Variants in ZP2 observed in about 807,000 individuals in gnomAD.
ZP2 encodes the protein zona pellucida sperm-binding protein 2.
ZP2 carries 51 observed loss-of-function variants against 84.0 expected under a neutral mutation model. The ratio of observed to expected loss-of-function variants is 0.61; its 90% CI spans 0.49 to 0.77. ZP2 has a LOEUF of 0.77. Ranked by LOEUF, ZP2 falls within the 30% of genes least tolerant of loss-of-function variation. The pLI is 0.00. For missense variants in ZP2, 909 were observed against 911.9 expected (o/e 1.00, Z 0.04); for synonymous variants, 375 against 330.9 (o/e 1.13, Z -1.45).
In ZP2 at chr16:21,203,234, T is replaced by C; in HGVS notation, c.990A>G (p.Leu330=). The change falls in exon 10 of 19, where the codon CTA becomes CTG. Residue 330 remains leucine, a synonymous_variant. Coordinates refer to ENST00000574091, the MANE Select transcript of ZP2 (RefSeq NM_001376232.1). Reference sequence around the variant, plus strand: ...GTGAAGCTAAGTAGAACTGATGGAGTAGGCATTTTTCAGATAACTGAAATG... The same window carrying C: ...GTGAAGCTAAGTAGAACTGATGGAGCAGGCATTTTTCAGATAACTGAAATG... ...LLKTKLSEKC[L]LHQFYLASLK... is the part of the protein sequence containing the mutation. The C allele has an allele frequency of 6.2e-7, 1 of 1,613,264 alleles. No homozygotes were observed.
intron 16 of ZP2, among the ~76,000 whole-genome samples, chr16:21,199,318 C>CAAAAAAAAAAAA (rs10644558): frequency 1.1e-4 from 5 of 45,728 alleles, no homozygotes; most frequent in African/African-American, 6.0e-4. Context: ...AAAACTGTCT[C>CAAAAAAAAAAAA]AAAAAAAAAA....
intron 2 of ZP2, among the ~76,000 whole-genome samples, chr16:21,210,638 G>A (rs754844706): frequency 2.0e-5 from 3 of 152,038 alleles, no homozygotes; most frequent in Non-Finnish European, 2.9e-5. Flanking sequence ...GCAGTGGCAC[G>A]ATCTCAACCC....
In ZP2 at chr16:21,201,685, TCA is replaced by T. The variant is rs959826258; in HGVS notation, c.1504+19_1504+20del. The T allele has an allele frequency of 3.7e-6, 6 of 1,613,966 alleles. No homozygotes were observed. The African/African-American group carries it at 5.3e-5, about 14-fold the overall frequency. The stretch of plus-strand genomic sequence containing the variant: ...GAAGTTTGAGATCATTTAAGCAATT[TCA>T]CAGACTGCAATCTCTTACCTGGGTA... On this transcript the variant is annotated intron_variant, in intron 13 of 18. Transcript: ENST00000574091.
Position 21,197,631 on chromosome 16 carries a change from G to A in ZP2, c.2096-9C>T. Reference sequence around the variant, plus strand: ...TTTGGTGTCCATAGCACCTACAAAGGAAGCAGACATTTGAGTCTTAAGTAT... The same window carrying A: ...TTTGGTGTCCATAGCACCTACAAAGAAAGCAGACATTTGAGTCTTAAGTAT... On this transcript the variant is annotated splice_polypyrimidine_tract_variant and intron_variant, in intron 18 of 18. Coordinates refer to ENST00000574091, the MANE Select transcript of ZP2 (RefSeq NM_001376232.1). 1.2e-6 allele frequency: 2 copies of A among 1,614,126 alleles called. No homozygotes were observed. The highest frequency in any genetic ancestry group is 1.7e-6 in the Non-Finnish European group (2 of 1,179,996).
chr16:21,201,296 A>G, intron 14 of ZP2, 73 bp downstream of exon 14: 1 of 1,367,460 alleles, frequency 7.3e-7, no homozygotes, highest in Non-Finnish European at 9.8e-7. Flanking sequence ...CTAAAGCCCA[A>G]GAGGGTTTAT....
chr16:21,213,500 T>C (rs2093282113), upstream of ZP2, among the ~76,000 whole-genome samples: 1 of 152,230 alleles, frequency 6.6e-6, no homozygotes, highest in Admixed American at 6.5e-5. Context: ...AAGGATCACA[T>C]GGAGCTCTCA....
At chr16:21,212,757 A>G (rs527332923), upstream of ZP2, among the ~76,000 whole-genome samples, 2 of 152,330 alleles carry the variant, frequency 1.3e-5, no homozygotes, top group Non-Finnish European at 2.9e-5. Context: ...TAGTGATCTA[A>G]TAAGAATGTT....
chr16:21,213,767 A>G (rs755401305), upstream of ZP2, among the ~76,000 whole-genome samples: 26 of 152,268 alleles, frequency 1.7e-4, 1 homozygote, highest in Middle Eastern at 6.8e-3. Flanking sequence ...GGGGATAGAG[A>G]TGGTAAAAGG....
In ZP2 at chr16:21,199,880, T is replaced by C. The variant is rs1156454797; in HGVS notation, c.1695-2A>G. 6.2e-7 allele frequency: 1 copy of C among 1,612,318 alleles called. No individual in the cohort carries two copies. Among genetic ancestry groups the C allele is most frequent in the East Asian group, 2.2e-5 (1 of 44,876 alleles). Reference sequence around the variant, plus strand: ...TAGTTGTCCAGGTCATATGCACAGCTAGGAGGTATGCACCAGGGAGGGATG... The same window carrying C: ...TAGTTGTCCAGGTCATATGCACAGCCAGGAGGTATGCACCAGGGAGGGATG... On this transcript the variant is annotated splice_acceptor_variant, in intron 14 of 18. Coordinates refer to ENST00000574091, the MANE Select transcript of ZP2 (RefSeq NM_001376232.1). LOFTEE classifies it high-confidence loss of function.
At chr16:21,210,437 A>G in intron 2 of ZP2, among the ~76,000 whole-genome samples, 1 of 152,122 alleles carries the variant, frequency 6.6e-6, no homozygotes, top group South Asian at 2.1e-4. Flanking sequence ...TAGGGTTGAC[A>G]AGCAGGTCTG....
chr16:21,199,922 T>A, intron 14 of ZP2, 44 bp from the exon 15 acceptor site: 1 of 1,607,580 alleles, frequency 6.2e-7, no homozygotes, highest in African/African-American at 1.3e-5. Context: ...ATATGCATCT[T>A]GGAGTCAAAT....
intron 4 of ZP2, among the ~76,000 whole-genome samples, chr16:21,207,666 A>G (rs1315965854): frequency 8.0e-6 from 1 of 124,762 alleles, no homozygotes; most frequent in Non-Finnish European, 1.8e-5. Context: ...ACACACACAC[A>G]CACACACACA....
At position 21,211,384 on chromosome 16, in the gene ZP2, G is replaced by T; in HGVS notation, c.74C>A (p.Ser25Ter). 1 of 1,614,066 alleles carries T rather than the reference G, an allele frequency of 6.2e-7. No individual in the cohort carries two copies. Among genetic ancestry groups the T allele is most frequent in the South Asian group, 1.1e-5 (1 of 91,068 alleles). The stretch of plus-strand genomic sequence containing the variant: ...CACAAGGGCGAAGAAGAGAGAAATC[G>T]ACCTGTAGGTGCTGGAAAGAGACAG... ...WFNAGWSTYR[S>*]ISLFFALVTS... Residue 25 changes from serine (S) to a stop codon, truncating the protein, a stop_gained, in exon 2 of 19, where the codon TCG becomes TAG. Coordinates refer to ENST00000574091, the MANE Select transcript of ZP2 (RefSeq NM_001376232.1). LOFTEE classifies it high-confidence loss of function.
rs2093238377 is a variant in ZP2, at chr16:21,204,090, A to G, written c.912T>C (p.Ile304=). 6.2e-7 allele frequency: 1 copy of G among 1,614,176 alleles called. No homozygotes were observed. Among genetic ancestry groups the G allele is most frequent in the East Asian group, 2.2e-5 (1 of 44,882 alleles). The change falls in exon 9 of 19, where the codon ATT becomes ATC. Residue 304 remains isoleucine, a synonymous_variant. Coordinates refer to ENST00000574091, the MANE Select transcript of ZP2 (RefSeq NM_001376232.1). The part of the protein sequence containing the change: ...IDVSQLHDNG[I]DLEATNGMKL... ...TCATGCCATTTGTTGCTTCTAGATC[A>G]ATTCCATTGTCATGCAGCTGGCTCA...
At chr16:21,206,474 C>T (rs910000416) in intron 5 of ZP2, among the ~76,000 whole-genome samples, 2 of 152,130 alleles carry the variant, frequency 1.3e-5, no homozygotes, top group Non-Finnish European at 2.9e-5. Context: ...GTGACTGGGT[C>T]GTTTTGTTCA....
chr16:21,210,016 G>C, intron 3 of ZP2, 93 bp downstream of exon 3: 2 of 1,138,100 alleles, frequency 1.8e-6, no homozygotes, highest in African/African-American at 1.5e-5. Context: ...CGTTGCTGCA[G>C]GAGTTTGGGT....
At chr16:21,211,721 T>C, upstream of ZP2, 1 of 1,505,622 alleles carries the variant, frequency 6.6e-7, no homozygotes, top group South Asian at 1.2e-5. Context: ...TCCTGACAGC[T>C]TGCGCCGGGT....
At position 21,210,258 on chromosome 16, in the gene ZP2, T is replaced by C. The variant is rs184159587; in HGVS notation, c.152-66A>G. Reference sequence around the variant, plus strand: ...GTGATGCAACTCCTACAAAAGTGTATAGACTCCTCTCAGATGGGAGGGATT... The same window carrying C: ...GTGATGCAACTCCTACAAAAGTGTACAGACTCCTCTCAGATGGGAGGGATT... On this transcript the variant is annotated intron_variant, in intron 2 of 18. Coordinates refer to ENST00000574091, the MANE Select transcript of ZP2 (RefSeq NM_001376232.1). The C allele has an allele frequency of 7.9e-5, 100 of 1,260,398 alleles. No homozygotes were observed. The Admixed American group carries it at 1.7e-3, about 21-fold the overall frequency. 78.1% of individuals were successfully genotyped at this position (1,260,398 alleles called of 1,614,324 possible).
At chr16:21,206,015 C>G (rs569214691) in intron 5 of ZP2, 36 of 541,872 alleles carry the variant, frequency 6.6e-5, no homozygotes, top group South Asian at 4.2e-4. Context: ...ATTTCTCCCC[C>G]CAAGATAGAG....
Sources: gnomAD v4.1 joint callset for allele counts (sites outside exome capture counted in the v4.1 genomes callset) on GRCh38, gnomAD v4.1.1 for gene constraint, MANE v1.5 for transcripts, NCBI Gene and HGNC (gene_info 2026-07-23, HGNC 2026-07-21) for gene names.